The following ATP2B2 variants were observed in gnomAD, a reference collection of about 807,000 sequenced individuals.
The protein encoded by ATP2B2 is ATPase plasma membrane Ca2+ transporting 2.
Under a neutral mutation model 120.0 loss-of-function variants are expected in ATP2B2, and 15 were observed. The ratio of observed to expected loss-of-function variants is 0.12; its 90% CI spans 0.08 to 0.19. The LOEUF (loss-of-function observed/expected upper bound fraction) is 0.19. Ranked by LOEUF, ATP2B2 falls within the 10% of genes least tolerant of loss-of-function variation. The pLI, the probability that ATP2B2 is intolerant of heterozygous loss-of-function variation, is 1.00. For synonymous variants in ATP2B2, 694 were observed against 700.3 expected (o/e 0.99, Z 0.14); for missense variants, 1,045 against 1,719.8 (o/e 0.61, Z 6.94).
At chr3:10,654,546 AGGGTG>A (rs1222310810) in intron 1 of ATP2B2, among the ~76,000 whole-genome samples, 2 of 152,232 alleles carry the variant, frequency 1.3e-5, no homozygotes, top group African/African-American at 2.4e-5. Context: ...CCTGAAAGAA[AGGGTG>A]GGGACCTCCC....
intron 2 of ATP2B2, among the ~76,000 whole-genome samples, chr3:10,600,522 A>T (rs78310196): frequency 0.028 from 4,232 of 152,352 alleles, 127 homozygotes; most frequent in East Asian, 0.16. Context: ...TTCACCCAGG[A>T]ACCATGGGGT....
intron 2 of ATP2B2, among the ~76,000 whole-genome samples, chr3:10,440,522 C>T (rs984158486): frequency 1.3e-5 from 2 of 152,184 alleles, no homozygotes; most frequent in Non-Finnish European, 2.9e-5. Context: ...CCAGGCACAG[C>T]GAATTCCTCA....
chr3:10,574,603 AT>A (rs2125549855), intron 2 of ATP2B2, among the ~76,000 whole-genome samples: 1 of 152,138 alleles, frequency 6.6e-6, no homozygotes, highest in South Asian at 2.1e-4. Context: ...TTTTTTCCTT[AT>A]CTCTAATTTA....
chr3:10,489,351 C>T lies in ATP2B2; in HGVS notation c.-320+16114G>A, dbSNP rs1338085808. Among the ~76,000 whole-genome samples the T allele has an allele frequency of 7.9e-5, 12 of 152,362 alleles. No homozygotes were observed. The East Asian group carries it at 2.3e-3, about 29-fold the overall frequency. The stretch of plus-strand genomic sequence containing the variant: ...TGTTGTGTTCAGTGTGGTATCCCCA[C>T]TGCCTGGCACACAGTAGGCCCCCAG... On this transcript the variant is annotated intron_variant, in intron 1 of 22. Transcript: ENST00000360273.
rs550968154 is a variant in ATP2B2 at position 10,595,945 on chromosome 3, C to T, written c.-415+23972G>A. Among the ~76,000 whole-genome samples the T allele has an allele frequency of 7.2e-5, 11 of 152,284 alleles. 1 individual carries two copies. Among genetic ancestry groups the T allele is most frequent in the African/African-American group, 1.4e-4 (6 of 41,554 alleles). On this transcript the variant is annotated intron_variant, in intron 2 of 21. Coordinates refer to the ATP2B2 transcript ENST00000646379. ...CCACATCAAGCTCCCTGCTGCTCCT[C>T]GAACCCACCACGTTCATTCCCAACT...
chr3:10,550,027 T>C (rs2067635217), intron 2 of ATP2B2, among the ~76,000 whole-genome samples: 1 of 152,246 alleles, frequency 6.6e-6, no homozygotes, highest in African/African-American at 2.4e-5. Flanking sequence ...TATCTTGCTA[T>C]GGGATCACAT....
intron 3 of ATP2B2, among the ~76,000 whole-genome samples, chr3:10,522,288 C>T (rs1559437758): frequency 6.6e-6 from 1 of 152,000 alleles, no homozygotes; most frequent in Non-Finnish European, 1.5e-5. Flanking sequence ...TGTGCTTATC[C>T]CCCTCATCAT....
chr3:10,404,585 A>C (rs908150809), intron 3 of ATP2B2, among the ~76,000 whole-genome samples: 4 of 152,206 alleles, frequency 2.6e-5, no homozygotes, highest in Admixed American at 2.0e-4. Context: ...CTTACTTTCC[A>C]GTGTGTGGGT....
At chr3:10,451,228 C>T (rs2064034499) in intron 1 of ATP2B2, among the ~76,000 whole-genome samples, 1 of 152,178 alleles carries the variant, frequency 6.6e-6, no homozygotes, top group Admixed American at 6.5e-5. Flanking sequence ...GGGCTCCTCC[C>T]CTTCCCCTAG....
intron 2 of ATP2B2, among the ~76,000 whole-genome samples, chr3:10,609,682 G>A (rs2069177451): frequency 6.6e-6 from 1 of 152,128 alleles, no homozygotes; most frequent in Non-Finnish European, 1.5e-5. Context: ...TAGGTTTTGG[G>A]TCTTGTTTTG....
chr3:10,681,523 C>G (rs2071383642), intron 1 of ATP2B2, among the ~76,000 whole-genome samples: 1 of 152,254 alleles, frequency 6.6e-6, no homozygotes, highest in Admixed American at 6.5e-5. Flanking sequence ...CTCGCTCACT[C>G]ACCTGTTCAT....
intron 1 of ATP2B2, among the ~76,000 whole-genome samples, chr3:10,622,236 C>G (rs1011726918): frequency 6.6e-6 from 1 of 152,158 alleles, no homozygotes; most frequent in Admixed American, 6.5e-5. Flanking sequence ...ATCAGCCGTG[C>G]CCCCATCTTC....
At chr3:10,494,261 A>AT (rs1187637298) in intron 1 of ATP2B2, among the ~76,000 whole-genome samples, 13 of 152,108 alleles carry the variant, frequency 8.5e-5, no homozygotes, top group African/African-American at 2.9e-4. Context: ...CTGATAGCTG[A>AT]TTTTTTCATA....
chr3:10,499,265 T>C (rs2066283405), intron 1 of ATP2B2, among the ~76,000 whole-genome samples: 3 of 152,128 alleles, frequency 2.0e-5, no homozygotes, highest in African/African-American at 7.2e-5. Context: ...CAAGAAAACA[T>C]CCGCTGAGCC....
chr3:10,622,299 GA>G (rs1330550070), intron 1 of ATP2B2, among the ~76,000 whole-genome samples: 5 of 152,140 alleles, frequency 3.3e-5, no homozygotes, highest in African/African-American at 1.2e-4. Context: ...CCTCACTAGT[GA>G]ATTTTTAATT....
chr3:10,336,040 C>T lies in ATP2B2; in HGVS notation c.3420+2136G>A, dbSNP rs1490624354. The T allele has an allele frequency of 1.0e-5, 15 of 1,429,204 alleles. No homozygotes were observed. In the African/African-American group the frequency reaches 1.4e-4, roughly 13 times the overall value. 88.5% of individuals were successfully genotyped at this position (1,429,204 alleles called of 1,614,324 possible). A position where few individuals can be genotyped will look rare whatever the true frequency, so the allele number is the denominator to read the frequency against. On this transcript the variant is annotated intron_variant, in intron 22 of 22. Coordinates refer to ENST00000360273, the MANE Select transcript of ATP2B2 (RefSeq NM_001001331.4). ...CCCTGGGCCTGATTGTGACCGGCTG[C>T]CCCCCATGTCCTCTGGTGCCCCAGC... is the stretch of plus-strand genomic sequence containing the variant.
In ATP2B2 at chr3:10,325,977, T is replaced by C. The variant is rs1171402765; in HGVS notation, c.*2837A>G. 2 of 152,086 alleles carry C rather than the reference T, an allele frequency of 1.3e-5. No homozygotes were observed. The highest frequency in any genetic ancestry group is 2.9e-5 in the Non-Finnish European group (2 of 68,028). 9.4% of individuals were successfully genotyped at this position (152,086 alleles called of 1,614,324 possible). On this transcript the variant is annotated 3_prime_UTR_variant, in exon 23 of 23. Transcript: ENST00000360273. ...CTATGTTCTGTTTGATGTTGTTTTT[T>C]GCTTTTTTTTTTAAACCACAAACAT...
chr3:10,495,372 G>C (rs1458920014), intron 1 of ATP2B2, among the ~76,000 whole-genome samples: 7 of 152,244 alleles, frequency 4.6e-5, no homozygotes, highest in Admixed American at 4.6e-4. Flanking sequence ...GGCAGGAGCA[G>C]AGGGGCTATT....
intron 2 of ATP2B2, among the ~76,000 whole-genome samples, chr3:10,435,783 T>C (rs1291041403): frequency 2.6e-5 from 4 of 152,196 alleles, no homozygotes; most frequent in African/African-American, 9.7e-5. Flanking sequence ...TTCAGTTCAC[T>C]GTTCTCAGAA....
Sources: gnomAD v4.1 joint callset for allele counts (sites outside exome capture counted in the v4.1 genomes callset) on GRCh38, gnomAD v4.1.1 for gene constraint, MANE v1.5 for transcripts, NCBI Gene and HGNC (gene_info 2026-07-23, HGNC 2026-07-21) for gene names.